The following GABRB1 variants were observed in gnomAD, a reference collection of about 807,000 sequenced individuals.
GABRB1 encodes gamma-aminobutyric acid receptor subunit beta-1.
Under a neutral mutation model 51.6 loss-of-function variants are expected in GABRB1, and 17 were observed. The ratio of observed to expected loss-of-function variants is 0.33; its 90% confidence interval spans 0.23 to 0.49. GABRB1 has a LOEUF of 0.49. GABRB1 is among the 20% of genes least tolerant of loss of function. The pLI is 0.99. For missense variants in GABRB1, 410 were observed against 600.6 expected, an observed-to-expected ratio of 0.68 and a Z score of 3.32; for synonymous variants, 247 against 218.9, an observed-to-expected ratio of 1.13 and a Z score of -1.14.
chr4:47,042,487 T>C (rs1444695131), intron 3 of GABRB1, among the ~76,000 whole-genome samples: 1 of 147,892 alleles, frequency 6.8e-6, no homozygotes, highest in African/African-American at 2.5e-5. Context: ...CAAATATATA[T>C]ATATGTATAT....
intron 1 of GABRB1, among the ~76,000 whole-genome samples, chr4:47,000,962 G>A (rs1291330886): frequency 6.6e-6 from 1 of 152,096 alleles, no homozygotes; most frequent in Non-Finnish European, 1.5e-5. Flanking sequence ...TGATTCATTT[G>A]ATGGCCATCT....
chr4:47,036,886 G>A (rs1725596533), intron 3 of GABRB1, among the ~76,000 whole-genome samples: 1 of 151,644 alleles, frequency 6.6e-6, no homozygotes, highest in African/African-American at 2.4e-5. Flanking sequence ...AAGAAAAAAA[G>A]AAAGAAAAGT....
At chr4:47,080,343 T>G (rs1727775073) in intron 3 of GABRB1, among the ~76,000 whole-genome samples, 1 of 152,098 alleles carries the variant, frequency 6.6e-6, no homozygotes, top group African/African-American at 2.4e-5. Flanking sequence ...TGTCATTAAT[T>G]AGCTTTGCAA....
At position 47,354,903 on chromosome 4, in the gene GABRB1, ACCTG is replaced by A. The variant is rs55735490; in HGVS notation, c.544+34730_544+34733del. Among the ~76,000 whole-genome samples the A allele has an allele frequency of 1.7e-3, 216 of 128,648 alleles. 1 individual carries two copies. The highest frequency in any genetic ancestry group is 2.7e-3 in the Non-Finnish European group (172 of 63,174). 84.4% of individuals were successfully genotyped at this position (128,648 alleles called of 152,430 possible). On this transcript the variant is annotated intron_variant, in intron 5 of 8. Transcript: ENST00000295454. ...ACCCCCTGCTTTTGAAGGCCTTCCT[ACCTG>A]CCTGCCTGCCTGCCTGCCTGCCTGC...
At chr4:47,238,727 T>TA (rs1199953788) in intron 4 of GABRB1, among the ~76,000 whole-genome samples, 2 of 152,078 alleles carry the variant, frequency 1.3e-5, no homozygotes, top group African/African-American at 2.4e-5. Context: ...AATACTTAAG[T>TA]AAAAAAAATT....
chr4:47,112,787 T>C (rs1349872944), intron 3 of GABRB1, among the ~76,000 whole-genome samples: 2 of 152,110 alleles, frequency 1.3e-5, no homozygotes, highest in East Asian at 1.9e-4. Context: ...GGAGCTTATA[T>C]TCTTATTTGT....
intron 3 of GABRB1, among the ~76,000 whole-genome samples, chr4:47,130,065 G>A (rs1157994070): frequency 3.3e-5 from 5 of 152,092 alleles, no homozygotes; most frequent in African/African-American, 4.8e-5. Context: ...CCTCCATTGC[G>A]TGGATGATTA....
intron 3 of GABRB1, among the ~76,000 whole-genome samples, chr4:47,160,459 T>C (rs1291623675): frequency 6.6e-6 from 1 of 152,148 alleles, no homozygotes; most frequent in Non-Finnish European, 1.5e-5. Flanking sequence ...AACCTTTATG[T>C]GTTAAACGAG....
intron 3 of GABRB1, among the ~76,000 whole-genome samples, chr4:47,126,948 C>G (rs1009500928): frequency 6.6e-6 from 1 of 151,704 alleles, no homozygotes; most frequent in Non-Finnish European, 1.5e-5. Flanking sequence ...ATACAGAGAG[C>G]CTCCCATTTC....
Position 47,136,704 on chromosome 4 carries a change from A to T in GABRB1, c.241-24545A>T, listed in dbSNP as rs147082521. On this transcript the variant is annotated intron_variant, in intron 3 of 8. Transcript: ENST00000295454. ...AACCTTCCTGTTTAATCCATAGATG[A>T]TACTATACTTTCAATAAATTGTGGT... is the stretch of plus-strand genomic sequence containing the variant. Among the ~76,000 whole-genome samples the T allele has an allele frequency of 1.4e-4, 21 of 152,190 alleles. No individual in the cohort carries two copies. In the East Asian group the frequency reaches 3.7e-3, roughly 27 times the overall value.
chr4:46,994,054 C>T (rs1275474209), intron 1 of GABRB1: 2 of 152,420 alleles, frequency 1.3e-5, no homozygotes, highest in Non-Finnish European at 2.9e-5. Context: ...CTCAAACCAC[C>T]TTTGAGACCC....
chr4:47,413,363 C>T (rs1182565718), intron 8 of GABRB1, among the ~76,000 whole-genome samples: 1 of 152,156 alleles, frequency 6.6e-6, no homozygotes. Flanking sequence ...TAGTTCCTAA[C>T]TTTCTTATCC....
intron 1 of GABRB1, among the ~76,000 whole-genome samples, chr4:47,000,177 A>C (rs1724135908): frequency 6.6e-6 from 1 of 152,176 alleles, no homozygotes; most frequent in East Asian, 1.9e-4. Flanking sequence ...TACTCATATA[A>C]AATTTAAAAC....
chr4:47,192,803 C>G (rs1057074804), intron 4 of GABRB1, among the ~76,000 whole-genome samples: 6 of 152,126 alleles, frequency 3.9e-5, no homozygotes, highest in Non-Finnish European at 7.3e-5. Context: ...TTAATTATAG[C>G]TAAACATTAA....
chr4:47,345,914 G>C (rs905223307), intron 5 of GABRB1, among the ~76,000 whole-genome samples: 1 of 152,144 alleles, frequency 6.6e-6, no homozygotes, highest in Non-Finnish European at 1.5e-5. Context: ...AAAATGGCAT[G>C]TGTGCAGACC....
intron 8 of GABRB1, among the ~76,000 whole-genome samples, chr4:47,411,514 A>G (rs1362239956): frequency 1.3e-5 from 2 of 152,186 alleles, no homozygotes; most frequent in African/African-American, 2.4e-5. Context: ...AGGATGTGGG[A>G]TGGGTATGAC....
chr4:47,171,999 A>G (rs771611791), intron 4 of GABRB1, among the ~76,000 whole-genome samples: 2 of 152,060 alleles, frequency 1.3e-5, no homozygotes, highest in African/African-American at 2.4e-5. Flanking sequence ...CTAAAATTCC[A>G]CTGTCGTTTG....
intron 3 of GABRB1, among the ~76,000 whole-genome samples, chr4:47,062,109 A>G (rs1000481095): frequency 1.3e-5 from 2 of 152,106 alleles, no homozygotes; most frequent in African/African-American, 2.4e-5. Flanking sequence ...CCCACTTACA[A>G]TCTGATGTGA....
intron 4 of GABRB1, among the ~76,000 whole-genome samples, chr4:47,219,339 CTGACA>C (rs2109821317): frequency 6.6e-6 from 1 of 151,992 alleles, no homozygotes; most frequent in East Asian, 1.9e-4. Context: ...ATGTGAGAGT[CTGACA>C]CTGCTTGCAG....
Sources: gnomAD v4.1 joint callset for allele counts (sites outside exome capture counted in the v4.1 genomes callset) on GRCh38, gnomAD v4.1.1 for gene constraint, MANE v1.5 for transcripts, NCBI Gene and HGNC (gene_info 2026-07-23, HGNC 2026-07-21) for gene names.